The following HDAC9 variants were observed in gnomAD, a reference collection of about 807,000 sequenced individuals.
The protein encoded by HDAC9 is MEF-2 interacting transcription repressor (MITR) protein.
HDAC9 carries 41 observed loss-of-function variants against 139.4 expected under a neutral mutation model. The ratio of observed to expected loss-of-function variants is 0.29; its 90% CI spans 0.23 to 0.38. The LOEUF is 0.38. HDAC9 is among the 10% of genes least tolerant of loss of function. HDAC9 has a pLI of 1.00. For synonymous variants in HDAC9, 517 were observed against 476.2 expected (o/e 1.09, Z -1.12); for missense variants, 1,147 against 1,297.0 (o/e 0.88, Z 1.78).
At chr7:18,957,300 A>G (rs1489204213) in intron 24 of HDAC9, among the ~76,000 whole-genome samples, 1 of 152,164 alleles carries the variant, frequency 6.6e-6, no homozygotes, top group African/African-American at 2.4e-5. Flanking sequence ...GGAAGAGAAA[A>G]GAGCCCTCTA....
At chr7:18,988,223 T>G (rs1376149427) in intron 25 of HDAC9, among the ~76,000 whole-genome samples, 3 of 152,178 alleles carry the variant, frequency 2.0e-5, no homozygotes, top group African/African-American at 7.2e-5. Context: ...TTCCTCTACA[T>G]ACTGCTTTGA....
chr7:18,872,878 C>T (rs1044801768), intron 21 of HDAC9, among the ~76,000 whole-genome samples: 15 of 152,054 alleles, frequency 9.9e-5, no homozygotes, highest in Admixed American at 3.9e-4. Context: ...TTGATTACTA[C>T]GATGCTTATG....
At chr7:18,931,582 ATGG>A (rs1804747056) in intron 22 of HDAC9, among the ~76,000 whole-genome samples, 1 of 152,194 alleles carries the variant, frequency 6.6e-6, no homozygotes, top group Non-Finnish European at 1.5e-5. Flanking sequence ...CATCCTGTTC[ATGG>A]TGAACATCAA....
chr7:18,699,303 C>G (rs1309590963), intron 12 of HDAC9, among the ~76,000 whole-genome samples: 1 of 152,150 alleles, frequency 6.6e-6, no homozygotes, highest in Non-Finnish European at 1.5e-5. Flanking sequence ...CAAACCTTCT[C>G]TGTGCCTTAG....
intron 2 of HDAC9, among the ~76,000 whole-genome samples, chr7:18,175,822 C>G (rs568676125): frequency 3.8e-5 from 5 of 130,182 alleles, no homozygotes; most frequent in Non-Finnish European, 7.9e-5. Context: ...ATATAAGGCT[C>G]TTGCTGCTTA....
chr7:18,112,580 C>T (rs954109742), intron 1 of HDAC9, among the ~76,000 whole-genome samples: 1 of 152,134 alleles, frequency 6.6e-6, no homozygotes, highest in Non-Finnish European at 1.5e-5. Context: ...CAGAACCTAC[C>T]AGGTTTGGTA....
intron 12 of HDAC9, among the ~76,000 whole-genome samples, chr7:18,716,596 T>A (rs2129119243): frequency 6.6e-6 from 1 of 151,600 alleles, no homozygotes; most frequent in East Asian, 1.9e-4. Flanking sequence ...ATTTATTTTC[T>A]CCTGGAACCT....
intron 2 of HDAC9, among the ~76,000 whole-genome samples, chr7:18,220,136 C>T (rs1792594513): frequency 6.6e-6 from 1 of 152,094 alleles, no homozygotes; most frequent in Non-Finnish European, 1.5e-5. Flanking sequence ...AAGGGGAGAT[C>T]TTCACAAGAC....
chr7:18,294,535 G>GTTT (rs951739359), intron 1 of HDAC9, among the ~76,000 whole-genome samples: 1 of 152,118 alleles, frequency 6.6e-6, no homozygotes, highest in African/African-American at 2.4e-5. Context: ...ATGGAAAATA[G>GTTT]TTTTGCCTCT....
chr7:18,971,075 T>G (rs2129334738), intron 24 of HDAC9, among the ~76,000 whole-genome samples: 1 of 152,344 alleles, frequency 6.6e-6, no homozygotes, highest in South Asian at 2.1e-4. Flanking sequence ...CTGGGTCTTG[T>G]GTAACCCAGT....
At chr7:18,668,030 T>C (rs1795307043) in intron 12 of HDAC9, 4 of 979,510 alleles carry the variant, frequency 4.1e-6, no homozygotes, top group Non-Finnish European at 4.9e-6. Context: ...AAAGGAGATA[T>C]AGCAGTTTTG....
chr7:18,792,445 T>C (rs1792405834), intron 16 of HDAC9, among the ~76,000 whole-genome samples: 1 of 152,018 alleles, frequency 6.6e-6, no homozygotes, highest in Non-Finnish European at 1.5e-5. Context: ...TTATGAAGTA[T>C]TTTATATATT....
At chr7:18,298,238 T>C (rs1798273730) in intron 1 of HDAC9, among the ~76,000 whole-genome samples, 1 of 152,120 alleles carries the variant, frequency 6.6e-6, no homozygotes, top group South Asian at 2.1e-4. Context: ...TTATCTAACC[T>C]TTATAAACAT....
At chr7:18,287,729 G>T (rs562880708), upstream of HDAC9, among the ~76,000 whole-genome samples, 1 of 152,212 alleles carries the variant, frequency 6.6e-6, no homozygotes, top group Non-Finnish European at 1.5e-5. Flanking sequence ...AAAGCCAGCT[G>T]TTTGAAGGGT....
intron 2 of HDAC9, among the ~76,000 whole-genome samples, chr7:18,191,278 G>C (rs912633988): frequency 6.6e-6 from 1 of 152,040 alleles, no homozygotes; most frequent in Non-Finnish European, 1.5e-5. Flanking sequence ...TATTAGCTGT[G>C]TGGGTGAAGA....
intron 1 of HDAC9, among the ~76,000 whole-genome samples, chr7:18,411,993 T>C (rs926535730): frequency 1.3e-5 from 2 of 151,848 alleles, no homozygotes; most frequent in Non-Finnish European, 2.9e-5. Flanking sequence ...GCCCAGCTAA[T>C]GTTTGTATTT....
intron 22 of HDAC9, among the ~76,000 whole-genome samples, chr7:18,874,996 A>G (rs1176231625): frequency 6.6e-6 from 1 of 152,142 alleles, no homozygotes; most frequent in Non-Finnish European, 1.5e-5. Flanking sequence ...CTATTTCTTA[A>G]TAATATTATG....
intron 2 of HDAC9, among the ~76,000 whole-genome samples, chr7:18,210,293 G>T (rs187644010): frequency 1.3e-5 from 2 of 152,200 alleles, no homozygotes; most frequent in African/African-American, 4.8e-5. Flanking sequence ...TAATTAGATT[G>T]TTAATTTTCA....
At chr7:18,536,574 T>A (rs1810985067) in intron 2 of HDAC9, among the ~76,000 whole-genome samples, 1 of 152,200 alleles carries the variant, frequency 6.6e-6, no homozygotes, top group Non-Finnish European at 1.5e-5. Flanking sequence ...AAGGATCATG[T>A]ATATGTTTAA....
Sources: allele counts gnomAD v4.1 joint callset (sites outside exome capture counted in the v4.1 genomes callset), GRCh38; gene constraint gnomAD v4.1.1; transcripts MANE v1.5; gene names NCBI Gene and HGNC (gene_info 2026-07-23, HGNC 2026-07-21).